Variants in SH2B3 observed in about 807,000 individuals in gnomAD.
The protein encoded by SH2B3 is SH2B adaptor protein 3, also known as SH2B adapter protein 3.
Under a neutral mutation model 51.9 loss-of-function variants are expected in SH2B3, and 43 were observed. The ratio of observed to expected loss-of-function variants is 0.83; its 90% CI spans 0.65 to 1.07. SH2B3 has a LOEUF of 1.07. Ranked by LOEUF, SH2B3 falls within the 50% of genes least tolerant of loss-of-function variation. The pLI, the probability that SH2B3 is intolerant of heterozygous loss-of-function variation, is 0.00. For synonymous variants in SH2B3, 396 were observed against 376.0 expected, an observed-to-expected ratio of 1.05 and a Z score of -0.62; for missense variants, 952 against 834.3, an observed-to-expected ratio of 1.14 and a Z score of -1.74.
chr12:111,437,108 G>A (rs1872948483), intron 2 of SH2B3, among the ~76,000 whole-genome samples: 1 of 152,156 alleles, frequency 6.6e-6, no homozygotes, highest in Non-Finnish European at 1.5e-5. Context: ...TTCCTCTCAG[G>A]GTTGGGGTGG....
At chr12:111,423,649 C>T (rs1436849599) in intron 2 of SH2B3, among the ~76,000 whole-genome samples, 2 of 152,156 alleles carry the variant, frequency 1.3e-5, no homozygotes, top group Non-Finnish European at 2.9e-5. Context: ...GGATTACAGG[C>T]GTGAGCCACT....
chr12:111,426,451 C>T (rs1314029379), intron 2 of SH2B3, among the ~76,000 whole-genome samples: 1 of 148,070 alleles, frequency 6.8e-6, no homozygotes, highest in Non-Finnish European at 1.5e-5. Flanking sequence ...GCCTCAAACT[C>T]CTGGCCCTAA....
At chr12:111,431,024 G>T (rs1593054923) in intron 2 of SH2B3, among the ~76,000 whole-genome samples, 1 of 149,656 alleles carries the variant, frequency 6.7e-6, no homozygotes, top group Non-Finnish European at 1.5e-5. Context: ...GGCCGGGGGT[G>T]GGTGGCGGGG....
chr12:111,409,662 C>T lies in SH2B3; in HGVS notation c.-28+3385C>T, dbSNP rs1258654924. On this transcript the variant is annotated intron_variant, in intron 1 of 7. Transcript: ENST00000341259. This position sits in a 1 kb window ranked among gnomAD's most constrained non-coding sequence, Gnocchi z 4.0. ...CCTTATTGGACCCAGGAGTCCTGCACCCCACCTCCCCAGCTTCCCGGGGCT... is the reference window on the plus strand; with the variant it reads ...CCTTATTGGACCCAGGAGTCCTGCATCCCACCTCCCCAGCTTCCCGGGGCT... Among the ~76,000 whole-genome samples, 1 of 152,144 alleles carries T rather than the reference C, an allele frequency of 6.6e-6. No individual in the cohort carries two copies. Among genetic ancestry groups the T allele is most frequent in the Non-Finnish European group, 1.5e-5 (1 of 68,020 alleles).
rs1874145946 is a variant in SH2B3 at position 111,447,657 on chromosome 12, A to T, written c.1238A>T (p.His413Leu). The T allele has an allele frequency of 6.2e-7, 1 of 1,611,450 alleles. No homozygotes were observed. The highest frequency in any genetic ancestry group is 8.5e-7 in the Non-Finnish European group (1 of 1,178,294). The stretch of plus-strand genomic sequence containing the variant: ...GCCCACCATCCTCTCCTCCCACAGC[A>T]CCTGCGCCTGTCGCTGACAGAGCGG... ...LTFNFQGIAK[H>L]LRLSLTERGQ... is the part of the protein sequence containing the mutation. The change falls in exon 7 of 8, where the codon CAC becomes CTC. Residue 413 changes from histidine (H) to leucine (L), a missense_variant and splice_region_variant. By Grantham distance (99) the His-to-Leu change is moderately conservative. Transcript: ENST00000341259.
At chr12:111,415,823 T>G (rs924764761) in intron 1 of SH2B3, among the ~76,000 whole-genome samples, 1 of 152,120 alleles carries the variant, frequency 6.6e-6, no homozygotes, top group African/African-American at 2.4e-5. Flanking sequence ...GGTTTCACCA[T>G]GTTGGCCAGG....
chr12:111,450,854 C>G lies in SH2B3; in HGVS notation c.*2552C>G, dbSNP rs1323415818. The G allele has an allele frequency of 6.6e-6, 1 of 152,298 alleles. No homozygotes were observed. The highest frequency in any genetic ancestry group is 2.1e-4 in the South Asian group (1 of 4,836). The allele number at this position is 152,298 out of a possible 1,614,324, so 9.4% of individuals were successfully genotyped here. A position where few individuals can be genotyped will look rare whatever the true frequency, so the allele number is the denominator to read the frequency against. ...GGTGGGCAGCAGTGTGGGGCAGGCA[C>G]CCCACTGGCTGCAGCTAGCCCACCA... On this transcript the variant is annotated 3_prime_UTR_variant, in exon 8 of 8. Transcript: ENST00000341259.
chr12:111,415,616 G>A (rs1593033252), intron 1 of SH2B3, among the ~76,000 whole-genome samples: 1 of 146,608 alleles, frequency 6.8e-6, no homozygotes, highest in Non-Finnish European at 1.5e-5. Context: ...TTTTGTGTGT[G>A]TGATTTTTTT....
At chr12:111,428,362 G>A (rs1872174969) in intron 2 of SH2B3, among the ~76,000 whole-genome samples, 1 of 152,236 alleles carries the variant, frequency 6.6e-6, no homozygotes, top group South Asian at 2.1e-4. Flanking sequence ...GCAGTGGTCT[G>A]GGTAGGAGTG....
intron 6 of SH2B3, 23 bp downstream of exon 6, chr12:111,447,567 G>A (rs1211546262): frequency 6.5e-7 from 1 of 1,534,246 alleles, no homozygotes. Context: ...GTGGGGTGGG[G>A]TGGGGCAGGC....
chr12:111,429,048 A>AGGAGGAGGAG lies in SH2B3; in HGVS notation c.732+10172_732+10173insGAGGAGGAGG, dbSNP rs1565977452. Among the ~76,000 whole-genome samples the AGGAGGAGGAG allele has an allele frequency of 1.6e-4, 20 of 125,196 alleles. No homozygotes were observed. The highest frequency in any genetic ancestry group is 2.8e-4 in the Non-Finnish European group (16 of 58,138). 82.1% of individuals were successfully genotyped at this position (125,196 alleles called of 152,430 possible). On this transcript the variant is annotated intron_variant, in intron 2 of 7. Coordinates refer to ENST00000341259, the MANE Select transcript of SH2B3 (RefSeq NM_005475.3). This position sits in a 1 kb window ranked among gnomAD's most constrained non-coding sequence, Gnocchi z 4.4. ...AGGAGGAGGAGGAGGAGGAGGAGGA[A>AGGAGGAGGAG]GAGGAGGAGGAGGAGGAGGAGGGAC...
At chr12:111,411,868 G>T (rs904143581) in intron 1 of SH2B3, among the ~76,000 whole-genome samples, 5 of 152,212 alleles carry the variant, frequency 3.3e-5, no homozygotes, top group Non-Finnish European at 7.4e-5. Context: ...CCCTCACCTG[G>T]CTGCAGGATT....
In SH2B3 at chr12:111,407,978, G is replaced by GTAATGAGCAC. The variant is rs1432652491; in HGVS notation, c.-28+1702_-28+1711dup. On this transcript the variant is annotated intron_variant, in intron 1 of 7. Transcript: ENST00000341259. This position sits in a 1 kb window ranked among gnomAD's most constrained non-coding sequence, Gnocchi z 4.3. ...CAGTGGAGATTTAATGAGCCAGTGT[G>GTAATGAGCAC]TAATGAGCACCTGCTGCCTGGCAAA... Among the ~76,000 whole-genome samples, 1 of 152,248 alleles carries GTAATGAGCAC rather than the reference G, an allele frequency of 6.6e-6. No individual in the cohort carries two copies. The highest frequency in any genetic ancestry group is 1.5e-5 in the Non-Finnish European group (1 of 68,048).
rs1193572805 is a variant in SH2B3 at position 111,409,316 on chromosome 12, A to C, written c.-28+3039A>C. The stretch of plus-strand genomic sequence containing the variant: ...GGTTTTGAGAAAAGGAGGCATGCAC[A>C]GTGCCCGGCATGCAATTGGCACTCA... On this transcript the variant is annotated intron_variant, in intron 1 of 7. Coordinates refer to ENST00000341259, the MANE Select transcript of SH2B3 (RefSeq NM_005475.3). This position sits in a 1 kb window ranked among gnomAD's most constrained non-coding sequence, Gnocchi z 4.0. Among the ~76,000 whole-genome samples the C allele has an allele frequency of 6.6e-6, 1 of 152,230 alleles. No individual in the cohort carries two copies. Among genetic ancestry groups the C allele is most frequent in the Non-Finnish European group, 1.5e-5 (1 of 68,026 alleles).
At chr12:111,446,120 G>A (rs780605776) in intron 2 of SH2B3, among the ~76,000 whole-genome samples, 1 of 152,214 alleles carries the variant, frequency 6.6e-6, no homozygotes, top group Non-Finnish European at 1.5e-5. Context: ...TATCACAAGA[G>A]GAAGGGGAGG....
At chr12:111,431,224 C>T (rs928704774) in intron 2 of SH2B3, among the ~76,000 whole-genome samples, 3 of 152,198 alleles carry the variant, frequency 2.0e-5, no homozygotes, top group East Asian at 1.9e-4. Flanking sequence ...GGACCTCCCT[C>T]GCTGTGGCTG....
rs1872770744 is a variant in SH2B3 at position 111,435,256 on chromosome 12, C to A, written c.733-11497C>A. 6.6e-6 allele frequency among the ~76,000 whole-genome samples: 1 copy of A among 152,236 alleles called. No individual in the cohort carries two copies. The highest frequency in any genetic ancestry group is 1.5e-5 in the Non-Finnish European group (1 of 68,040). ...ATGGGCCGTCGGTGCCCCATTCAAG[C>A]CTGGGGACCTGGCCCCACTGGTGTG... On this transcript the variant is annotated intron_variant, in intron 2 of 7. Transcript: ENST00000341259. This position sits in a 1 kb window ranked among gnomAD's most constrained non-coding sequence, Gnocchi z 4.8.
At position 111,447,708 on chromosome 12, in the gene SH2B3, A is replaced by G; in HGVS notation, c.1289A>G (p.His430Arg). ...GGCCAGTGCCGTGTGCAGCACCTCC[A>G]CTTTCCCTCGGTCGTGGACATGCTC... ...ERGQCRVQHL[H>R]FPSVVDMLHH... The change falls in exon 7 of 8, where the codon CAC becomes CGC. Residue 430 changes from histidine to arginine, a missense_variant. Physicochemically the swap from His to Arg is conservative, Grantham distance 29 (BLOSUM62 0). Coordinates refer to ENST00000341259, the MANE Select transcript of SH2B3 (RefSeq NM_005475.3). 2 of 1,613,696 alleles carry G rather than the reference A, an allele frequency of 1.2e-6. No homozygotes were observed. Among genetic ancestry groups the G allele is most frequent in the East Asian group, 4.5e-5 (2 of 44,860 alleles).
Position 111,415,869 on chromosome 12 carries a change from A to G in SH2B3, c.-27-2250A>G, listed in dbSNP as rs539916684. Among the ~76,000 whole-genome samples the G allele has an allele frequency of 7.4e-4, 112 of 151,898 alleles. 3 individuals carry two copies. Among genetic ancestry groups the G allele is most frequent in the Middle Eastern group, 3.4e-3 (1 of 294 alleles). ...ATTCCTGACCTCAGGTGATCCACCC[A>G]CCTAAGCCTCCCAGAGTGCTGGGAT... On this transcript the variant is annotated intron_variant, in intron 1 of 7. Coordinates refer to ENST00000341259, the MANE Select transcript of SH2B3 (RefSeq NM_005475.3).
Sources: gnomAD v4.1 joint callset for allele counts (sites outside exome capture counted in the v4.1 genomes callset) on GRCh38, gnomAD v4.1.1 for gene constraint, Gnocchi (gnomAD v3.1) non-coding constraint, MANE v1.5 for transcripts, NCBI Gene and HGNC (gene_info 2026-07-23, HGNC 2026-07-21) for gene names.